Variants in FRMD4A observed in about 807,000 individuals in gnomAD.
The protein encoded by FRMD4A is FERM domain-containing protein 4A.
A neutral mutation model predicts 129.1 loss-of-function variants in FRMD4A; 29 were observed. The observed-to-expected ratio is 0.22, with a 90% CI of 0.17 to 0.31. The LOEUF (loss-of-function observed/expected upper bound fraction) is 0.31, where lower values mean the gene tolerates loss of function less well. Among genes scored for constraint, FRMD4A ranks in the 10% least tolerant of loss-of-function variants. The pLI is 1.00. For synonymous variants in FRMD4A, 634 were observed against 571.6 expected (o/e 1.11, Z -1.56); for missense variants, 1,272 against 1,375.8 (o/e 0.92, Z 1.19).
chr10:14,039,957 G>A (rs111869530), intron 2 of FRMD4A, among the ~76,000 whole-genome samples: 45 of 152,308 alleles, frequency 3.0e-4, no homozygotes, highest in African/African-American at 1.1e-3. Flanking sequence ...ATGTATGTAT[G>A]TATCTATCCA....
At chr10:14,081,398 A>G (rs1032289265) in intron 2 of FRMD4A, among the ~76,000 whole-genome samples, 1 of 152,196 alleles carries the variant, frequency 6.6e-6, no homozygotes, top group African/African-American at 2.4e-5. Flanking sequence ...AACAGCTCAG[A>G]TGGAAGAACA....
At chr10:13,872,887 A>G (rs186970711) in intron 2 of FRMD4A, among the ~76,000 whole-genome samples, 10 of 152,264 alleles carry the variant, frequency 6.6e-5, no homozygotes, top group Admixed American at 5.2e-4. Context: ...TTTAGAGTAG[A>G]AAAGGATAGT....
intron 2 of FRMD4A, among the ~76,000 whole-genome samples, chr10:14,255,150 A>G (rs1470031427): frequency 1.3e-5 from 2 of 152,244 alleles, no homozygotes; most frequent in Non-Finnish European, 1.5e-5. Flanking sequence ...ATTACCTGCA[A>G]AAATGATAGA....
Position 13,657,423 on chromosome 10 carries a change from T to C in FRMD4A, c.2166A>G (p.Glu722=). The C allele has an allele frequency of 6.2e-7, 1 of 1,605,602 alleles. No individual in the cohort carries two copies. The highest frequency in any genetic ancestry group is 8.5e-7 in the Non-Finnish European group (1 of 1,176,894). ...LESQGKLLGS[E]NDTGSPDFYT... ...AGAAGTCGGGGCTCCCGGTGTCGTT[T>C]TCCGAGCCCAGGAGCTTGCCCTGGG... Residue 722 remains glutamate (E), a synonymous_variant, in exon 22 of 25, where the codon GAA becomes GAG. Coordinates refer to ENST00000357447, the MANE Select transcript of FRMD4A (RefSeq NM_018027.5).
chr10:13,727,281 A>G (rs980658346), intron 12 of FRMD4A, among the ~76,000 whole-genome samples: 9 of 152,200 alleles, frequency 5.9e-5, no homozygotes, highest in Admixed American at 3.9e-4. Context: ...ACTGCTGTAG[A>G]AGATACCATG....
At chr10:14,298,647 C>T (rs1216715196) in intron 2 of FRMD4A, among the ~76,000 whole-genome samples, 1 of 152,214 alleles carries the variant, frequency 6.6e-6, no homozygotes, top group Non-Finnish European at 1.5e-5. Context: ...ACACCCTTGT[C>T]TTGTGGTGGC....
chr10:13,749,089 T>G (rs947294350), intron 8 of FRMD4A, among the ~76,000 whole-genome samples: 11 of 152,202 alleles, frequency 7.2e-5, no homozygotes, highest in Non-Finnish European at 1.3e-4. Flanking sequence ...ACCCACTTAC[T>G]ACCTCCAGAG....
chr10:13,702,365 T>C (rs2134879061), intron 13 of FRMD4A, among the ~76,000 whole-genome samples: 1 of 152,334 alleles, frequency 6.6e-6, no homozygotes, highest in African/African-American at 2.4e-5. Flanking sequence ...CACCTGGCCC[T>C]GTCTATACAT....
intron 2 of FRMD4A, among the ~76,000 whole-genome samples, chr10:14,257,226 G>A (rs1198196401): frequency 6.6e-6 from 1 of 152,198 alleles, no homozygotes; most frequent in African/African-American, 2.4e-5. Context: ...AGCTAACCAG[G>A]AGGCTGAGGC....
chr10:13,993,851 T>A (rs77206069), intron 2 of FRMD4A, among the ~76,000 whole-genome samples: 3,816 of 147,842 alleles, frequency 0.026, 75 homozygotes, highest in African/African-American at 0.046. Context: ...TTTTTTTTTT[T>A]TAAAAAAATA....
chr10:13,656,688 G>T lies in FRMD4A; in HGVS notation c.2901C>A (p.Phe967Leu), dbSNP rs757243136. 5 of 1,563,506 alleles carry T rather than the reference G, an allele frequency of 3.2e-6. No individual in the cohort carries two copies. Among genetic ancestry groups the T allele is most frequent in the Non-Finnish European group, 4.3e-6 (5 of 1,155,008 alleles). Residue 967 changes from phenylalanine to leucine, a missense_variant, in exon 22 of 25, where the codon TTC becomes TTA. Around this residue, in one of 2 missense-constraint regions of FRMD4A, gnomAD observed 972 missense variants for 892.3 expected, o/e 1.09. Coordinates refer to ENST00000357447, the MANE Select transcript of FRMD4A (RefSeq NM_018027.5). The stretch of plus-strand genomic sequence containing the variant: ...TCCTGGTGACCCTGCTGTGCGCCAC[G>T]AAGGTGCTCTGGGAGGAGGTGCTGT... ...SQYSTSSQST[F>L]VAHSRVTRMP...
intron 2 of FRMD4A, among the ~76,000 whole-genome samples, chr10:13,860,492 T>C (rs1763979665): frequency 6.6e-6 from 1 of 152,210 alleles, no homozygotes; most frequent in Non-Finnish European, 1.5e-5. Flanking sequence ...CTTCCTTGTA[T>C]TTCTTTAGAG....
chr10:14,275,819 G>C (rs537182151), intron 2 of FRMD4A, among the ~76,000 whole-genome samples: 1 of 152,092 alleles, frequency 6.6e-6, no homozygotes. Context: ...AAGGAGGATC[G>C]CTTGAGTCCA....
chr10:13,687,873 G>A (rs558552457), intron 15 of FRMD4A, among the ~76,000 whole-genome samples: 52 of 152,324 alleles, frequency 3.4e-4, no homozygotes, highest in African/African-American at 1.2e-3. Context: ...GCATGGGGAG[G>A]TGAGAATTTC....
At chr10:14,312,561 G>A (rs1231279911) in intron 2 of FRMD4A, among the ~76,000 whole-genome samples, 2 of 152,096 alleles carry the variant, frequency 1.3e-5, no homozygotes, top group African/African-American at 4.8e-5. Flanking sequence ...TTCATTGCAG[G>A]ATAGTTTATA....
chr10:14,324,894 C>T (rs1299642160), intron 2 of FRMD4A, among the ~76,000 whole-genome samples: 1 of 152,210 alleles, frequency 6.6e-6, no homozygotes, highest in East Asian at 1.9e-4. Flanking sequence ...CACCTGACCT[C>T]AGGTGATCTG....
chr10:13,715,063 AT>A (rs1297089536), intron 12 of FRMD4A, among the ~76,000 whole-genome samples: 1 of 144,720 alleles, frequency 6.9e-6, no homozygotes, highest in Non-Finnish European at 1.5e-5. Context: ...AAAAAAAAAA[AT>A]TAGAAGTGCC....
chr10:13,699,240 T>TTA, intron 14 of FRMD4A, among the ~76,000 whole-genome samples: 1 of 142,814 alleles, frequency 7.0e-6, no homozygotes, highest in South Asian at 2.2e-4. Context: ...TTTTTTTTTT[T>TTA]TTTTTTTTGT....
intron 2 of FRMD4A, among the ~76,000 whole-genome samples, chr10:14,004,057 C>G (rs1204220502): frequency 6.6e-6 from 1 of 152,182 alleles, no homozygotes. Flanking sequence ...AGTTGAGTTA[C>G]TTGGGATTCA....
Sources: gnomAD v4.1 joint callset for allele counts (sites outside exome capture counted in the v4.1 genomes callset) on GRCh38, gnomAD v4.1.1 for gene constraint, gnomAD v4.1.1 regional missense constraint, MANE v1.5 for transcripts, NCBI Gene and HGNC (gene_info 2026-07-23, HGNC 2026-07-21) for gene names.